The following CABIN1 variants were observed in gnomAD, a reference collection of about 807,000 sequenced individuals.
CABIN1 encodes the protein calcineurin binding protein 1, also known as calcineurin-binding protein cabin-1.
Under a neutral mutation model 227.7 loss-of-function variants are expected in CABIN1, and 133 were observed. The observed-to-expected ratio is 0.58, with a 90% confidence interval of 0.51 to 0.67. The LOEUF (loss-of-function observed/expected upper bound fraction) is 0.67. CABIN1 is among the 30% of genes least tolerant of loss of function. The probability of loss-of-function intolerance (pLI) is 0.00; values close to 1 mark genes in which losing one functional copy is unlikely to be tolerated. For synonymous variants in CABIN1, 1,086 were observed against 1,155.1 expected, an observed-to-expected ratio of 0.94 and a Z score of 1.21; for missense variants, 2,408 against 2,852.5, an observed-to-expected ratio of 0.84 and a Z score of 3.55.
chr22:24,051,809 C>G (rs180779908), intron 8 of CABIN1, among the ~76,000 whole-genome samples: 1 of 151,956 alleles, frequency 6.6e-6, no homozygotes, highest in Admixed American at 6.6e-5. Flanking sequence ...ATGATAATGA[C>G]AAAACATGTA....
intron 15 of CABIN1, among the ~76,000 whole-genome samples, chr22:24,064,945 T>C (rs1051924738): frequency 3.3e-5 from 5 of 152,200 alleles, no homozygotes; most frequent in African/African-American, 9.6e-5. Flanking sequence ...AACCATCCGA[T>C]TTCTCAATCT....
At position 24,176,097 on chromosome 22, in the gene CABIN1, C is replaced by T. The variant is rs1435054769; in HGVS notation, c.6041-14C>T. 1.2e-6 allele frequency: 2 copies of T among 1,608,186 alleles called. No individual in the cohort carries two copies. The highest frequency in any genetic ancestry group is 1.7e-6 in the Non-Finnish European group (2 of 1,177,898). ...GATGAGTCTATTACCTGCAGTGAGC[C>T]CATGTCCCCACAGAGGGAGAAGAGC... On this transcript the variant is annotated splice_polypyrimidine_tract_variant and intron_variant, in intron 34 of 36. Coordinates refer to ENST00000263119, the MANE Select transcript of CABIN1 (RefSeq NM_012295.4).
intron 14 of CABIN1, 79 bp downstream of exon 14, chr22:24,063,225 T>G (rs2039327106): frequency 7.5e-6 from 10 of 1,333,976 alleles, no homozygotes; most frequent in South Asian, 6.1e-5. Flanking sequence ...ATGTTGAGGG[T>G]GTGTGTGTGT....
chr22:24,129,273 C>T (rs1052048118), intron 28 of CABIN1, among the ~76,000 whole-genome samples: 1 of 152,204 alleles, frequency 6.6e-6, no homozygotes, highest in Non-Finnish European at 1.5e-5. Context: ...AGAAAGGGAG[C>T]GTGGGGAGTT....
intron 7 of CABIN1, 29 bp downstream of exon 7, chr22:24,049,249 G>A (rs1478449481): frequency 1.2e-6 from 2 of 1,610,242 alleles, no homozygotes; most frequent in African/African-American, 1.3e-5. Context: ...CATGCCATGT[G>A]TGCACGCTTA....
At chr22:24,065,149 C>T (rs1318873209) in intron 15 of CABIN1, among the ~76,000 whole-genome samples, 2,952 of 144,986 alleles carry the variant, frequency 0.02, 37 homozygotes, top group Non-Finnish European at 0.029. Context: ...CGGGGGCTGA[C>T]CCCCCACCTC....
intron 29 of CABIN1, chr22:24,156,176 C>T: frequency 2.6e-6 from 1 of 392,122 alleles, no homozygotes; most frequent in South Asian, 1.2e-4. Flanking sequence ...TCTGGGTCTC[C>T]ACTTTGCTGG....
chr22:24,049,045 T>C, intron 6 of CABIN1, 46 bp from the exon 7 acceptor site: 1 of 1,610,918 alleles, frequency 6.2e-7, no homozygotes, highest in Non-Finnish European at 8.5e-7. Flanking sequence ...GGCCAGAGCT[T>C]CTGAGTGCGG....
chr22:24,178,215 C>A lies in CABIN1; in HGVS notation c.*19C>A. 6.2e-7 allele frequency: 1 copy of A among 1,612,324 alleles called. No individual in the cohort carries two copies. The highest frequency in any genetic ancestry group is 8.5e-7 in the Non-Finnish European group (1 of 1,179,800). ...CATTTGAGGGGCCACTGCAGCCCCA[C>A]CGCCACGCCCCAGGGGACCAGCCAG... On this transcript the variant is annotated 3_prime_UTR_variant, in exon 37 of 37. Coordinates refer to ENST00000263119, the MANE Select transcript of CABIN1 (RefSeq NM_012295.4).
rs141188890 is a variant in CABIN1, at chr22:24,129,978, C to T, written c.4633-4324C>T. Among the ~76,000 whole-genome samples the T allele has an allele frequency of 3.1e-3, 468 of 152,348 alleles. 2 individuals are homozygous for T. The highest frequency in any genetic ancestry group is 0.011 in the African/African-American group (455 of 41,582). On this transcript the variant is annotated intron_variant, in intron 28 of 36. Coordinates refer to ENST00000263119, the MANE Select transcript of CABIN1 (RefSeq NM_012295.4). ...CAGAGGAGTTAGATGTCCCCTCTGC[C>T]TTCTGCTGTGAAGCAGGGATGGTCC...
At chr22:24,050,739 A>T in intron 7 of CABIN1, 86 bp from the exon 8 acceptor site, 1 of 1,513,954 alleles carries the variant, frequency 6.6e-7, no homozygotes, top group Non-Finnish European at 9.1e-7. Flanking sequence ...AAAAGGTATT[A>T]ACCTAAATGC....
chr22:24,050,394 C>CCT, intron 7 of CABIN1, among the ~76,000 whole-genome samples: 2 of 152,266 alleles, frequency 1.3e-5, no homozygotes, highest in Admixed American at 1.3e-4. Flanking sequence ...CCTCCAAGCC[C>CCT]CTGCCCTTTC....
intron 29 of CABIN1, among the ~76,000 whole-genome samples, chr22:24,145,823 G>A (rs2045077965): frequency 6.6e-6 from 1 of 152,194 alleles, no homozygotes; most frequent in South Asian, 2.1e-4. Context: ...TTCCCCAAGG[G>A]TAGTCTCAGC....
At chr22:24,169,389 C>CCAGA (rs1179638036) in intron 33 of CABIN1, among the ~76,000 whole-genome samples, 1 of 152,136 alleles carries the variant, frequency 6.6e-6, no homozygotes, top group African/African-American at 2.4e-5. Flanking sequence ...CCTTTGGGGT[C>CCAGA]CAGACGGGCT....
intron 29 of CABIN1, among the ~76,000 whole-genome samples, chr22:24,143,966 C>T (rs144535063): frequency 9.8e-4 from 149 of 152,266 alleles, no homozygotes; most frequent in African/African-American, 3.2e-3. Flanking sequence ...CTCTGGGTGC[C>T]GGGAGAGAAT....
rs769616130 is a variant in CABIN1, at chr22:24,050,972, C to T, written c.804C>T (p.Phe268=). Residue 268 remains phenylalanine, a splice_region_variant and synonymous_variant, in exon 8 of 37, where the codon TTC becomes TTT. Transcript: ENST00000263119. The part of the protein sequence containing the change: ...DLKLVQPIPF[F]TWKCLGESLL... ...AACTTGTGCAGCCCATTCCTTTCTT[C>T]ACGTAGGTTGTCTAGCGTCTCTGGG... 1 of 1,614,174 alleles carries T rather than the reference C, an allele frequency of 6.2e-7. No homozygotes were observed. The highest frequency in any genetic ancestry group is 8.5e-7 in the Non-Finnish European group (1 of 1,180,030).
At chr22:24,037,515 C>A (rs572517513) in intron 3 of CABIN1, among the ~76,000 whole-genome samples, 1 of 152,118 alleles carries the variant, frequency 6.6e-6, no homozygotes, top group Admixed American at 6.5e-5. Flanking sequence ...CTATGTGGCC[C>A]AGGTTGGCCA....
intron 10 of CABIN1, chr22:24,056,570 C>T: frequency 1.7e-6 from 1 of 587,996 alleles, no homozygotes; most frequent in South Asian, 2.1e-5. Flanking sequence ...TTCCTGAAGT[C>T]AGGAGCTGTG....
At chr22:24,148,809 C>T (rs905684938) in intron 29 of CABIN1, among the ~76,000 whole-genome samples, 12 of 152,242 alleles carry the variant, frequency 7.9e-5, no homozygotes, top group African/African-American at 2.7e-4. Context: ...AGCCTAGGCT[C>T]CTGAGCAGGC....
Sources: allele counts gnomAD v4.1 joint callset (sites outside exome capture counted in the v4.1 genomes callset), GRCh38; gene constraint gnomAD v4.1.1; transcripts MANE v1.5; gene names NCBI Gene and HGNC (gene_info 2026-07-23, HGNC 2026-07-21).